The following RIN2 variants were observed in gnomAD, a reference collection of about 807,000 sequenced individuals.
The protein encoded by RIN2 is RAB5 interacting protein 2.
RIN2 carries 36 observed loss-of-function variants against 78.0 expected under a neutral mutation model. The ratio of observed to expected loss-of-function variants is 0.46; its 90% CI spans 0.35 to 0.61. The LOEUF is 0.61. Among genes scored for constraint, RIN2 ranks in the 20% least tolerant of loss-of-function variants. The pLI, the probability that RIN2 is intolerant of heterozygous loss-of-function variation, is 0.00. For missense variants in RIN2, 1,087 were observed against 1,159.7 expected (o/e 0.94, Z 0.91); for synonymous variants, 466 against 466.8 (o/e 1.00, Z 0.02).
intron 9 of RIN2, among the ~76,000 whole-genome samples, chr20:19,978,979 C>T (rs929803664): frequency 5.9e-5 from 9 of 152,214 alleles, no homozygotes; most frequent in Admixed American, 3.3e-4. Flanking sequence ...CCTGCTTCAA[C>T]ACACGTTCCT....
Position 19,871,192 on chromosome 20 carries a change from G to A in RIN2, c.-36-18374G>A, listed in dbSNP as rs188612269. 1.5e-3 allele frequency among the ~76,000 whole-genome samples: 230 copies of A among 152,316 alleles called. 1 individual carries two copies. Among genetic ancestry groups the A allele is most frequent in the African/African-American group, 4.9e-3 (203 of 41,562 alleles). ...TCTGATGGGAGCAGATCTGGACCAA[G>A]GCACATGGGGATCCTAAGAGGACTA... On this transcript the variant is annotated intron_variant, in intron 2 of 12. Coordinates refer to ENST00000255006, the MANE Select transcript of RIN2 (RefSeq NM_018993.4).
intron 2 of RIN2, among the ~76,000 whole-genome samples, chr20:19,822,692 G>A (rs942644286): frequency 6.6e-6 from 1 of 152,062 alleles, no homozygotes; most frequent in African/African-American, 2.4e-5. Context: ...AAATTCAGAT[G>A]TTAAAGCACC....
At chr20:19,955,685 G>A (rs199556) in intron 4 of RIN2, among the ~76,000 whole-genome samples, 1,649 of 152,190 alleles carry the variant, frequency 0.011, 30 homozygotes, top group African/African-American at 0.036. Context: ...GGTTGTTTCC[G>A]CTTGTTAGCT....
At chr20:19,870,502 C>A (rs566361941) in intron 2 of RIN2, among the ~76,000 whole-genome samples, 3 of 152,110 alleles carry the variant, frequency 2.0e-5, no homozygotes, top group Non-Finnish European at 2.9e-5. Context: ...CAAAAATTAG[C>A]CAGGCACGAT....
rs1451559860 is a variant in RIN2 at position 19,886,681 on chromosome 20, AT to A, written c.-36-2881del. 1.5e-4 allele frequency: 225 copies of A among 1,517,854 alleles called. No homozygotes were observed. Among genetic ancestry groups the A allele is most frequent in the Non-Finnish European group, 1.9e-4 (215 of 1,131,216 alleles). The allele number at this position is 1,517,854 out of a possible 1,614,324, so 94.0% of individuals were successfully genotyped here. ...AACATCTACTGGACATGTTGGACTCATTTTCTCAAGAATCCACTTTACCCTT... is the reference window on the plus strand; with the variant it reads ...AACATCTACTGGACATGTTGGACTCATTTCTCAAGAATCCACTTTACCCTT... On this transcript the variant is annotated intron_variant, in intron 2 of 12. Coordinates refer to ENST00000255006, the MANE Select transcript of RIN2 (RefSeq NM_018993.4).
chr20:19,996,913 C>A, intron 12 of RIN2, 71 bp downstream of exon 12: 1 of 1,439,262 alleles, frequency 6.9e-7, no homozygotes, highest in Non-Finnish European at 9.4e-7. Flanking sequence ...CAGCACATCC[C>A]AGCTCAGAGG....
chr20:19,902,560 GCAGA>G (rs1284398087), intron 3 of RIN2, among the ~76,000 whole-genome samples: 3 of 152,188 alleles, frequency 2.0e-5, no homozygotes, highest in Non-Finnish European at 4.4e-5. Context: ...ATGAGCTTGT[GCAGA>G]CAGAGAGAAT....
At chr20:19,763,488 C>A (rs2033737002) in intron 1 of RIN2, among the ~76,000 whole-genome samples, 1 of 152,046 alleles carries the variant, frequency 6.6e-6, no homozygotes, top group South Asian at 2.1e-4. Flanking sequence ...GTGAATACAG[C>A]CGCTAGCAAA....
chr20:19,772,816 G>A (rs181716000), intron 1 of RIN2, among the ~76,000 whole-genome samples: 8 of 152,286 alleles, frequency 5.3e-5, no homozygotes, highest in African/African-American at 1.9e-4. Context: ...GGAGTGATTT[G>A]TCTGTAGTCA....
In RIN2 at chr20:19,961,647, C is replaced by T. The variant is rs970992666; in HGVS notation, c.463+836C>T. Among the ~76,000 whole-genome samples the T allele has an allele frequency of 4.0e-5, 6 of 148,774 alleles. No homozygotes were observed. In the South Asian group the frequency reaches 1.1e-3, roughly 27 times the overall value. On this transcript the variant is annotated intron_variant, in intron 6 of 12. Transcript: ENST00000255006. ...TGTAGATGAAGGTCAATTTCAGGGC[C>T]GAGATGAGATTCTACTCAGCCGGGA...
At chr20:19,871,894 G>A (rs1047824149) in intron 2 of RIN2, 6 of 152,162 alleles carry the variant, frequency 3.9e-5, no homozygotes, top group Admixed American at 2.0e-4. Context: ...GGACTCTTAA[G>A]TTATTTCACT....
intron 4 of RIN2, among the ~76,000 whole-genome samples, chr20:19,936,371 C>T (rs1422124232): frequency 6.6e-6 from 1 of 152,082 alleles, no homozygotes; most frequent in Non-Finnish European, 1.5e-5. Context: ...CTCTCTGCCT[C>T]ACCTCCAGAG....
chr20:19,796,590 G>A (rs1225528378), intron 1 of RIN2, among the ~76,000 whole-genome samples: 1 of 152,184 alleles, frequency 6.6e-6, no homozygotes, highest in African/African-American at 2.4e-5. Flanking sequence ...TACCATGGAT[G>A]GATGGTCAAA....
chr20:19,818,760 A>G (rs1321073226), intron 2 of RIN2, among the ~76,000 whole-genome samples: 1 of 152,032 alleles, frequency 6.6e-6, no homozygotes, highest in Admixed American at 6.6e-5. Flanking sequence ...AAGAGAAAAA[A>G]AAAAAGAAAG....
intron 1 of RIN2, among the ~76,000 whole-genome samples, chr20:19,759,463 A>ATTTTTT (rs779458278): frequency 6.6e-6 from 1 of 152,232 alleles, no homozygotes; most frequent in Non-Finnish European, 1.5e-5. Flanking sequence ...CTCCATCATT[A>ATTTTTT]AGATAAATAG....
At position 19,897,445 on chromosome 20, in the gene RIN2, G is replaced by A. The variant is rs570301963; in HGVS notation, c.57+7787G>A. ...ATTTTTAAGTGCTCAGTATCCACAC[G>A]TGGCTGGCAGCTGCCAGACTGGACA... On this transcript the variant is annotated intron_variant, in intron 3 of 12. Coordinates refer to ENST00000255006, the MANE Select transcript of RIN2 (RefSeq NM_018993.4). 1.4e-4 allele frequency among the ~76,000 whole-genome samples: 22 copies of A among 152,214 alleles called. No homozygotes were observed. The South Asian group carries it at 1.5e-3, about 10-fold the overall frequency.
intron 3 of RIN2, among the ~76,000 whole-genome samples, chr20:19,911,614 T>G (rs2039469544): frequency 6.6e-6 from 1 of 152,258 alleles, no homozygotes; most frequent in South Asian, 2.1e-4. Context: ...CAGCTCATTT[T>G]CAGAGCTTGT....
At chr20:19,851,010 G>GAAGGAAGGAAGA (rs1320923650) in intron 2 of RIN2, among the ~76,000 whole-genome samples, 1 of 86,718 alleles carries the variant, frequency 1.2e-5, no homozygotes, top group Non-Finnish European at 2.4e-5. Context: ...AGGAAGGAAG[G>GAAGGAAGGAAGA]AAGGAAGGAA....
intron 4 of RIN2, among the ~76,000 whole-genome samples, chr20:19,943,538 C>T (rs9653635): frequency 0.046 from 7,023 of 152,148 alleles, 248 homozygotes; most frequent in East Asian, 0.17. Flanking sequence ...TCTGTAACCC[C>T]AAATATGCTA....
Sources: allele counts gnomAD v4.1 joint callset (sites outside exome capture counted in the v4.1 genomes callset), GRCh38; gene constraint gnomAD v4.1.1; transcripts MANE v1.5; gene names NCBI Gene and HGNC (gene_info 2026-07-23, HGNC 2026-07-21).